The following NUAK2 variants were observed in gnomAD, a reference collection of about 807,000 sequenced individuals.
NUAK2 encodes the protein NUAK family SNF1-like kinase 2.
In NUAK2, 20 loss-of-function variants were observed where a neutral mutation model predicts 29.8. The observed-to-expected ratio is 0.67, with a 90% CI of 0.47 to 0.98. The LOEUF is 0.98. Ranked by LOEUF, NUAK2 falls within the 50% of genes least tolerant of loss-of-function variation. NUAK2 has a pLI of 0.00. For missense variants in NUAK2, 719 were observed against 834.5 expected (o/e 0.86, Z 1.71); for synonymous variants, 331 against 342.6 (o/e 0.97, Z 0.37).
intron 2 of NUAK2, among the ~76,000 whole-genome samples, chr1:205,310,034 G>T (rs1031414546): frequency 6.6e-6 from 1 of 152,164 alleles, no homozygotes; most frequent in Non-Finnish European, 1.5e-5. Context: ...TTGCATCTTT[G>T]TGTCAAACGG....
In NUAK2 at chr1:205,303,872, G is replaced by A. The variant is rs749577201; in HGVS notation, c.1465C>T (p.Pro489Ser). The A allele has an allele frequency of 8.1e-6, 13 of 1,613,868 alleles. No homozygotes were observed. Among genetic ancestry groups the A allele is most frequent in the Non-Finnish European group, 1.1e-5 (13 of 1,179,894 alleles). Residue 489 changes from proline (P) to serine (S), a missense_variant, in exon 7 of 7, where the codon CCG becomes TCG. Coordinates refer to ENST00000367157, the MANE Select transcript of NUAK2 (RefSeq NM_030952.3). ...VSGDPKEQKP[P>S]QASGLLLHRK... ...TGGAGGAGCAGCCCTGAAGCTTGCG[G>A]AGGCTTCTGCTCCTTGGGATCCCCA...
At position 205,308,787 on chromosome 1, in the gene NUAK2, C is replaced by G; in HGVS notation, c.353-55G>C. The G allele has an allele frequency of 1.9e-6, 3 of 1,589,996 alleles. No individual in the cohort carries two copies. Among genetic ancestry groups the G allele is most frequent in the Non-Finnish European group, 2.6e-6 (3 of 1,163,902 alleles). On this transcript the variant is annotated intron_variant, in intron 2 of 6. Transcript: ENST00000367157. This position sits in a 1 kb window ranked among gnomAD's most constrained non-coding sequence, Gnocchi z 4.1. ...CCCTCCCAGAGTGCACTGCTCTCCA[C>G]TGGGGGTGACTCACTCCTCCCCGAC...
chr1:205,321,276 G>A (rs969196527), intron 1 of NUAK2, 122 bp downstream of exon 1: 8 of 825,526 alleles, frequency 9.7e-6, no homozygotes, highest in Non-Finnish European at 1.5e-5. Context: ...CAAGCTCAGC[G>A]CGGTAAAGAC....
Position 205,303,683 on chromosome 1 carries a change from C to T in NUAK2, c.1654G>A (p.Glu552Lys), listed in dbSNP as rs970229455. 1 of 1,553,210 alleles carries T rather than the reference C, an allele frequency of 6.4e-7. No individual in the cohort carries two copies. The highest frequency in any genetic ancestry group is 1.4e-5 in the African/African-American group (1 of 72,750). The part of the protein sequence containing the change: ...AVSEDSILSS[E>K]SFDQLDLPER... Reference sequence around the variant, plus strand: ...GGCAAGTCCAGCTGGTCAAAGGACTCAGAGGACAGGATGCTGTCCTCGCTC... The same window carrying T: ...GGCAAGTCCAGCTGGTCAAAGGACTTAGAGGACAGGATGCTGTCCTCGCTC... The change falls in exon 7 of 7, where the codon GAG (glutamate) becomes AAG (lysine). Residue 552 changes from glutamate to lysine, a missense_variant. This residue lies in a region of NUAK2 where 430 missense variants were observed against 465.7 expected (regional missense o/e 0.92). Coordinates refer to ENST00000367157, the MANE Select transcript of NUAK2 (RefSeq NM_030952.3).
At chr1:205,319,025 C>A (rs1215235126) in intron 1 of NUAK2, among the ~76,000 whole-genome samples, 1 of 152,008 alleles carries the variant, frequency 6.6e-6, no homozygotes, top group Non-Finnish European at 1.5e-5. Context: ...CTTGGGCAAG[C>A]TCCCACACCC....
intron 4 of NUAK2, among the ~76,000 whole-genome samples, chr1:205,306,690 C>G (rs1662185476): frequency 6.6e-6 from 1 of 152,186 alleles, no homozygotes; most frequent in African/African-American, 2.4e-5. Flanking sequence ...CTCATTAGAT[C>G]TGCCTTCCAG....
chr1:205,306,085 C>G, intron 5 of NUAK2, 103 bp downstream of exon 5: 1 of 1,446,270 alleles, frequency 6.9e-7, no homozygotes, highest in Non-Finnish European at 9.3e-7. Flanking sequence ...GAGAGTTGTG[C>G]TCTGAAAATG....
chr1:205,306,084 G>T, intron 5 of NUAK2, 104 bp downstream of exon 5: 1 of 1,438,794 alleles, frequency 7.0e-7, no homozygotes, highest in Non-Finnish European at 9.3e-7. Flanking sequence ...TGAGAGTTGT[G>T]CTCTGAAAAT....
Position 205,321,400 on chromosome 1 carries a change from G to T in NUAK2, c.229C>A (p.Leu77Met). The T allele has an allele frequency of 6.2e-7, 1 of 1,612,950 alleles. No individual in the cohort carries two copies. Among genetic ancestry groups the T allele is most frequent in the South Asian group, 1.1e-5 (1 of 90,950 alleles). The change falls in exon 1 of 7, where the codon CTG (leucine) becomes ATG (methionine). Residue 77 changes from leucine to methionine, a missense_variant and splice_region_variant. Physicochemically the swap from Leu to Met is conservative, Grantham distance 15. Transcript: ENST00000367157. Reference protein sequence around the residue: ...VKKARESSGRLVAIKSIRKDK... With the variant: ...VKKARESSGRMVAIKSIRKDK... ...CCGCGAGAGGGAGCCGCACTCACCA[G>T]GCGCCCCGAGCTCTCCCGCGCCTTC...
rs201661341 is a variant in NUAK2 at position 205,303,861 on chromosome 1, T to A, written c.1476A>T (p.Ser492=). Residue 492 remains serine, a synonymous_variant, in exon 7 of 7, where the codon TCA becomes TCT. Transcript: ENST00000367157. ...DPKEQKPPQA[S]GLLLHRKGIL... ...TGCCTTTGCGATGGAGGAGCAGCCC[T>A]GAAGCTTGCGGAGGCTTCTGCTCCT... is the stretch of plus-strand genomic sequence containing the variant. The A allele has an allele frequency of 1.2e-6, 2 of 1,613,590 alleles. No homozygotes were observed. Among genetic ancestry groups the A allele is most frequent in the Non-Finnish European group, 1.7e-6 (2 of 1,179,730 alleles).
intron 2 of NUAK2, 58 bp downstream of exon 2, chr1:205,311,647 G>T: frequency 6.2e-7 from 1 of 1,600,730 alleles, no homozygotes; most frequent in South Asian, 1.1e-5. Context: ...ATACGCATGT[G>T]AACACACACA....
chr1:205,308,663 A>T lies in NUAK2; in HGVS notation c.422T>A (p.Ile141Asn). The change falls in exon 3 of 7, where the codon ATC (isoleucine) becomes AAC (asparagine). Residue 141 changes from isoleucine (I) to asparagine (N), a missense_variant. Around this residue, in one of 3 missense-constraint regions of NUAK2, gnomAD observed 283 missense variants for 345.6 expected, o/e 0.82. Transcript: ENST00000367157. The surrounding 1 kb of genome is among the most constrained non-coding windows in gnomAD (Gnocchi z 4.1). Reference protein sequence around the residue: ...YASRGDLYDYISERQQLSERE... With the variant: ...YASRGDLYDYNSERQQLSERE... The stretch of plus-strand genomic sequence containing the variant: ...CTCACTGAGCTGCTGCCGCTCGCTG[A>T]TGTAGTCATAAAGGTCGCCCCGGCT... 6.2e-7 allele frequency: 1 copy of T among 1,614,074 alleles called. No homozygotes were observed. Among genetic ancestry groups the T allele is most frequent in the Non-Finnish European group, 8.5e-7 (1 of 1,180,024 alleles).
chr1:205,304,021 G>T lies in NUAK2; in HGVS notation c.1316C>A (p.Ala439Asp), dbSNP rs1237096987. Reference protein sequence around the residue: ...LSPIPASPGQAAPLLPKKGIL... With the variant: ...LSPIPASPGQDAPLLPKKGIL... ...GCCCTTCTTGGGGAGCAGGGGGGCA[G>T]CCTGCCCTGGGCTCGCAGGGATTGG... The change falls in exon 7 of 7, where the codon GCT (alanine) becomes GAT (aspartate). Residue 439 changes from alanine (A) to aspartate (D), a missense_variant. This residue lies in a region of NUAK2 where 430 missense variants were observed against 465.7 expected (regional missense o/e 0.92). Coordinates refer to ENST00000367157, the MANE Select transcript of NUAK2 (RefSeq NM_030952.3). This position sits in a 1 kb window ranked among gnomAD's most constrained non-coding sequence, Gnocchi z 6.5. The T allele has an allele frequency of 5.6e-6, 9 of 1,613,910 alleles. No individual in the cohort carries two copies. The African/African-American group carries it at 9.3e-5, about 17-fold the overall frequency.
At chr1:205,317,954 C>T (rs115424317) in intron 1 of NUAK2, among the ~76,000 whole-genome samples, 1,756 of 152,334 alleles carry the variant, frequency 0.012, 13 homozygotes, top group Admixed American at 0.016. Context: ...CAAAGCCAGC[C>T]TTGCTGGGAT....
At position 205,303,722 on chromosome 1, in the gene NUAK2, G is replaced by A. The variant is rs780202971; in HGVS notation, c.1615C>T (p.Pro539Ser). The A allele has an allele frequency of 2.6e-6, 4 of 1,538,794 alleles. No individual in the cohort carries two copies. Among genetic ancestry groups the A allele is most frequent in the Non-Finnish European group, 3.5e-6 (4 of 1,144,584 alleles). ...CTGTCCTCGCTCACAGCCCCTGAGGGTCGGCTGGCCCGGGCCAGGGGGCGA... is the reference window on the plus strand; with the variant it reads ...CTGTCCTCGCTCACAGCCCCTGAGGATCGGCTGGCCCGGGCCAGGGGGCGA... ...PPRPLARASR[P>S]SGAVSEDSIL... The change falls in exon 7 of 7, where the codon CCC becomes TCC. Residue 539 changes from proline (P) to serine (S), a missense_variant. Coordinates refer to ENST00000367157, the MANE Select transcript of NUAK2 (RefSeq NM_030952.3).
chr1:205,313,781 G>A (rs1221160449), intron 1 of NUAK2, among the ~76,000 whole-genome samples: 1 of 152,012 alleles, frequency 6.6e-6, no homozygotes, highest in African/African-American at 2.4e-5. Flanking sequence ...AGGCTGCAGG[G>A]CTAGGTGGGA....
chr1:205,314,372 C>T (rs745774997), intron 1 of NUAK2, among the ~76,000 whole-genome samples: 5 of 152,226 alleles, frequency 3.3e-5, no homozygotes, highest in Non-Finnish European at 4.4e-5. Flanking sequence ...GCAGGGGATG[C>T]GATGGGGCTA....
intron 1 of NUAK2, among the ~76,000 whole-genome samples, chr1:205,320,211 G>T (rs2102262222): frequency 6.6e-6 from 1 of 152,122 alleles, no homozygotes; most frequent in African/African-American, 2.4e-5. Context: ...TTTCTGGGCT[G>T]CCCTTTCCAG....
chr1:205,316,159 C>G (rs1359247016), intron 1 of NUAK2, among the ~76,000 whole-genome samples: 2 of 152,136 alleles, frequency 1.3e-5, no homozygotes, highest in African/African-American at 2.4e-5. Flanking sequence ...CCTTATTTGC[C>G]CCTATAGAGC....
Sources: allele counts gnomAD v4.1 joint callset (sites outside exome capture counted in the v4.1 genomes callset), GRCh38; gene constraint gnomAD v4.1.1; regional missense constraint gnomAD v4.1.1; non-coding constraint Gnocchi (gnomAD v3.1); transcripts MANE v1.5; gene names NCBI Gene and HGNC (gene_info 2026-07-23, HGNC 2026-07-21).